Variants in CUX2 observed in about 807,000 individuals in gnomAD.
CUX2 encodes the protein cut like homeobox 2.
A neutral mutation model predicts 144.8 loss-of-function variants in CUX2; 40 were observed. That is an observed-to-expected ratio of 0.28 (90% CI 0.21 to 0.36). The LOEUF (loss-of-function observed/expected upper bound fraction) is 0.36. Among genes scored for constraint, CUX2 ranks in the 10% least tolerant of loss-of-function variants. The pLI, the probability that CUX2 is intolerant of heterozygous loss-of-function variation, is 1.00. For synonymous variants in CUX2, 827 were observed against 875.6 expected, an observed-to-expected ratio of 0.94 and a Z score of 0.98; for missense variants, 1,615 against 1,994.0, an observed-to-expected ratio of 0.81 and a Z score of 3.62.
chr12:111,267,628 G>T (rs900594410), intron 4 of CUX2, among the ~76,000 whole-genome samples: 1 of 152,104 alleles, frequency 6.6e-6, no homozygotes, highest in East Asian at 1.9e-4. Flanking sequence ...GATTCATTCC[G>T]TCCCTGTTCT....
intron 8 of CUX2, among the ~76,000 whole-genome samples, chr12:111,297,285 C>T (rs1348327740): frequency 6.6e-6 from 1 of 152,184 alleles, no homozygotes; most frequent in East Asian, 1.9e-4. Context: ...TCCTCCAGGA[C>T]TTACATCCTC....
rs1433590369 is a variant in CUX2, at chr12:111,270,709, T to G, written c.301+6870T>G. 7.9e-5 allele frequency: 12 copies of G among 151,784 alleles called. No homozygotes were observed. The East Asian group carries it at 2.3e-3, about 29-fold the overall frequency. 9.4% of individuals were successfully genotyped at this position (151,784 alleles called of 1,614,324 possible). Reference sequence around the variant, plus strand: ...AGGCAGATGAACATTGCTGAGGAGATAAGAGACAGGTGAGTGCCCCAAAAT... The same window carrying G: ...AGGCAGATGAACATTGCTGAGGAGAGAAGAGACAGGTGAGTGCCCCAAAAT... On this transcript the variant is annotated intron_variant, in intron 4 of 21. Transcript: ENST00000261726.
rs138456247 is a variant in CUX2 at position 111,037,956 on chromosome 12, A to C, written c.63+3716A>C. 1.3e-5 allele frequency among the ~76,000 whole-genome samples: 2 copies of C among 152,144 alleles called. No individual in the cohort carries two copies. The highest frequency in any genetic ancestry group is 2.4e-5 in the African/African-American group (1 of 41,430). On this transcript the variant is annotated intron_variant, in intron 1 of 21. Coordinates refer to ENST00000261726, the MANE Select transcript of CUX2 (RefSeq NM_015267.4). The surrounding 1 kb of genome is among the most constrained non-coding windows in gnomAD (Gnocchi z 5.4). ...AGGAGCTTGGTCAATAGGATTACAT[A>C]GTACTAATCTGGGAGGAAGGGGCAA... is the stretch of plus-strand genomic sequence containing the variant.
chr12:111,149,621 G>T (rs1876911815), intron 1 of CUX2, among the ~76,000 whole-genome samples: 1 of 152,132 alleles, frequency 6.6e-6, no homozygotes, highest in South Asian at 2.1e-4. Flanking sequence ...GGGGCTTCCT[G>T]GCAGTACGGA....
intron 1 of CUX2, among the ~76,000 whole-genome samples, chr12:111,172,763 A>G (rs980922619): frequency 1.3e-5 from 2 of 152,206 alleles, no homozygotes; most frequent in Non-Finnish European, 2.9e-5. Flanking sequence ...ACGTTTCTCG[A>G]CTTTTCAGTA....
At chr12:111,085,040 C>T (rs1352667920) in intron 1 of CUX2, among the ~76,000 whole-genome samples, 1 of 152,196 alleles carries the variant, frequency 6.6e-6, no homozygotes, top group Non-Finnish European at 1.5e-5. Context: ...GCAGGCAACA[C>T]TCCCTGCCTC....
intron 18 of CUX2, among the ~76,000 whole-genome samples, chr12:111,332,016 T>C (rs1888138990): frequency 1.3e-5 from 2 of 151,272 alleles, no homozygotes; most frequent in South Asian, 2.1e-4. Context: ...GGAGGCTAGG[T>C]TGCAGTGCGC....
At chr12:111,238,909 G>A (rs1050475031) in intron 3 of CUX2, among the ~76,000 whole-genome samples, 11 of 152,208 alleles carry the variant, frequency 7.2e-5, no homozygotes, top group Non-Finnish European at 1.3e-4. Context: ...GTTGGGCATG[G>A]TGGTGCATGC....
At chr12:111,072,939 G>A (rs557992503) in intron 1 of CUX2, among the ~76,000 whole-genome samples, 3 of 152,326 alleles carry the variant, frequency 2.0e-5, no homozygotes, top group Admixed American at 6.5e-5. Context: ...TATATTCAAT[G>A]TGGCCATTAT....
Position 111,035,938 on chromosome 12 carries a change from A to G in CUX2, c.63+1698A>G, listed in dbSNP as rs957920230. Reference sequence around the variant, plus strand: ...GATGCTAAAGTGGCCTTTCTGGAAGAGTGGGGGTTATGGAGGCAGAGAGAG... The same window carrying G: ...GATGCTAAAGTGGCCTTTCTGGAAGGGTGGGGGTTATGGAGGCAGAGAGAG... On this transcript the variant is annotated intron_variant, in intron 1 of 21. Transcript: ENST00000261726. The surrounding 1 kb of genome is among the most constrained non-coding windows in gnomAD (Gnocchi z 6.0). Among the ~76,000 whole-genome samples the G allele has an allele frequency of 2.6e-5, 4 of 151,988 alleles. No individual in the cohort carries two copies. The highest frequency in any genetic ancestry group is 4.4e-5 in the Non-Finnish European group (3 of 68,006).
chr12:111,162,142 G>A (rs990781700), intron 1 of CUX2, among the ~76,000 whole-genome samples: 6 of 152,210 alleles, frequency 3.9e-5, no homozygotes, highest in African/African-American at 7.2e-5. Context: ...GCTTAGAGTC[G>A]CACCACTAGT....
chr12:111,055,846 G>A (rs1870497582), intron 1 of CUX2, among the ~76,000 whole-genome samples: 1 of 152,230 alleles, frequency 6.6e-6, no homozygotes, highest in South Asian at 2.1e-4. Context: ...TTGATGAGCT[G>A]CCCTAATTAG....
rs778286987 is a variant in CUX2, at chr12:111,034,217, C to A, written c.40C>A (p.Arg14=). The part of the protein sequence containing the change: ...NVGSMFQYWK[R]FDLRRLQKEL... ...GGGATCGATGTTTCAATATTGGAAG[C>A]GATTTGATCTACGGCGACTCCAGGT... Residue 14 remains arginine (R), a synonymous_variant, in exon 1 of 22, where the codon CGA becomes AGA. Transcript: ENST00000261726. This position sits in a 1 kb window ranked among gnomAD's most constrained non-coding sequence, Gnocchi z 4.2. 3 of 1,400,530 alleles carry A rather than the reference C, an allele frequency of 2.1e-6. No homozygotes were observed. In the South Asian group the frequency reaches 3.5e-5, roughly 16 times the overall value. 86.8% of individuals were successfully genotyped at this position (1,400,530 alleles called of 1,614,324 possible).
rs555171655 is a variant in CUX2, at chr12:111,160,558, A to C, written c.64-53642A>C. ...CGGCACAGAGGGGGCGCGAGATGCG[A>C]GCAGGGAGCAGGGTGGCACTTGGCT... On this transcript the variant is annotated intron_variant, in intron 1 of 21. Coordinates refer to ENST00000261726, the MANE Select transcript of CUX2 (RefSeq NM_015267.4). This position sits in a 1 kb window ranked among gnomAD's most constrained non-coding sequence, Gnocchi z 4.1. Among the ~76,000 whole-genome samples the C allele has an allele frequency of 4.6e-5, 7 of 152,222 alleles. No homozygotes were observed. The South Asian group carries it at 1.5e-3, about 32-fold the overall frequency.
At chr12:111,162,579 G>A (rs1877848106) in intron 1 of CUX2, among the ~76,000 whole-genome samples, 1 of 152,226 alleles carries the variant, frequency 6.6e-6, no homozygotes, top group South Asian at 2.1e-4. Flanking sequence ...ATGGGACAGT[G>A]CTGAACAGCT....
At position 111,347,997 on chromosome 12, in the gene CUX2, T is replaced by C. The variant is rs200377020; in HGVS notation, c.4133T>C (p.Leu1378Ser). 3.7e-6 allele frequency: 6 copies of C among 1,614,038 alleles called. No individual in the cohort carries two copies. The African/African-American group carries it at 8.0e-5, about 22-fold the overall frequency. Reference sequence around the variant, plus strand: ...GGGGAGCGACTTCACCCGGACCCTTTAAGTTTTAAGTCAGCCTCAGAGTCC... The same window carrying C: ...GGGGAGCGACTTCACCCGGACCCTTCAAGTTTTAAGTCAGCCTCAGAGTCC... ...EAGERLHPDPLSFKSASESSR... is the reference protein window; with the variant it reads ...EAGERLHPDPSSFKSASESSR... Residue 1378 changes from leucine (L) to serine (S), a missense_variant, in exon 22 of 22, where the codon TTA (leucine) becomes TCA (serine). By Grantham distance (145) the Leu-to-Ser change is moderately radical. Coordinates refer to ENST00000261726, the MANE Select transcript of CUX2 (RefSeq NM_015267.4).
chr12:111,324,649 C>T (rs1237891236), intron 18 of CUX2, among the ~76,000 whole-genome samples: 4 of 151,862 alleles, frequency 2.6e-5, no homozygotes, highest in East Asian at 2.0e-4. Context: ...TACAGGCGTG[C>T]GCCACCATGC....
chr12:111,181,070 A>G (rs1482807454), intron 1 of CUX2, among the ~76,000 whole-genome samples: 1 of 152,268 alleles, frequency 6.6e-6, no homozygotes, highest in African/African-American at 2.4e-5. Context: ...AGAGAGAAGA[A>G]TGCAAAAGTC....
chr12:111,208,110 G>C (rs10849929), intron 1 of CUX2, among the ~76,000 whole-genome samples: 27,194 of 152,032 alleles, frequency 0.18, 3,192 homozygotes, highest in East Asian at 0.6. Flanking sequence ...TTTAAACCAG[G>C]AGGGACATAC....
Sources: gnomAD v4.1 joint callset for allele counts (sites outside exome capture counted in the v4.1 genomes callset) on GRCh38, gnomAD v4.1.1 for gene constraint, Gnocchi (gnomAD v3.1) non-coding constraint, MANE v1.5 for transcripts, NCBI Gene and HGNC (gene_info 2026-07-23, HGNC 2026-07-21) for gene names.